The following RORA variants were observed in gnomAD, a reference collection of about 807,000 sequenced individuals.
The protein encoded by RORA is nuclear receptor ROR-alpha.
Under a neutral mutation model 69.5 loss-of-function variants are expected in RORA, and 7 were observed. That is an observed-to-expected ratio of 0.10 (90% confidence interval 0.06 to 0.19). The LOEUF (loss-of-function observed/expected upper bound fraction) is 0.19, where lower values mean the gene tolerates loss of function less well. RORA is among the 10% of genes least tolerant of loss of function. The pLI is 1.00. For missense variants in RORA, 457 were observed against 663.0 expected (o/e 0.69, Z 3.41); for synonymous variants, 261 against 240.8 (o/e 1.08, Z -0.78).
intron 1 of RORA, among the ~76,000 whole-genome samples, chr15:61,065,137 C>T (rs561016546): frequency 1.8e-4 from 27 of 152,216 alleles, no homozygotes; most frequent in Non-Finnish European, 3.7e-4. Flanking sequence ...AAGGTAACCC[C>T]TCCCCACAGA....
At chr15:60,978,961 C>CTTT (rs543353825) in intron 1 of RORA, among the ~76,000 whole-genome samples, 2 of 95,144 alleles carry the variant, frequency 2.1e-5, no homozygotes, top group African/African-American at 4.1e-5. Flanking sequence ...CAACTTTGCT[C>CTTT]TTTTTTTTTT....
At chr15:60,855,334 T>A (rs1032282723) in intron 1 of RORA, among the ~76,000 whole-genome samples, 5 of 152,144 alleles carry the variant, frequency 3.3e-5, no homozygotes, top group Admixed American at 3.3e-4. Context: ...CATGACAGAT[T>A]GTATAGGCGC....
intron 1 of RORA, among the ~76,000 whole-genome samples, chr15:60,779,080 A>C (rs2072216102): frequency 1.3e-5 from 2 of 152,196 alleles, no homozygotes; most frequent in Admixed American, 1.3e-4. Flanking sequence ...ATAGACGAGA[A>C]TGTTTAGGTA....
At chr15:61,136,404 T>C (rs925970992) in intron 1 of RORA, among the ~76,000 whole-genome samples, 1 of 152,234 alleles carries the variant, frequency 6.6e-6, no homozygotes, top group East Asian at 1.9e-4. Context: ...TTAAACAAAT[T>C]TGTAGCCAGT....
intron 1 of RORA, among the ~76,000 whole-genome samples, chr15:60,718,178 T>A (rs2071245063): frequency 6.6e-6 from 1 of 152,164 alleles, no homozygotes; most frequent in Non-Finnish European, 1.5e-5. Context: ...TAGTTCAACA[T>A]ATAGGCAAAA....
chr15:61,114,642 C>T lies in RORA; in HGVS notation c.166+114411G>A, dbSNP rs149047916. ...AAAAATGCTATAGGCCAATGCTAAA[C>T]CTGAAAAATGGCTTAGCAAGATGCT... On this transcript the variant is annotated intron_variant, in intron 1 of 10. Transcript: ENST00000335670. Among the ~76,000 whole-genome samples the T allele has an allele frequency of 7.2e-5, 11 of 152,328 alleles. No homozygotes were observed. In the East Asian group the frequency reaches 1.9e-3, roughly 27 times the overall value.
At chr15:60,887,052 C>G (rs1346657697) in intron 1 of RORA, among the ~76,000 whole-genome samples, 1 of 152,036 alleles carries the variant, frequency 6.6e-6, no homozygotes. Context: ...AAGTAATTTG[C>G]TCTTCATCAG....
chr15:60,582,442 T>C (rs1740015144), intron 2 of RORA, among the ~76,000 whole-genome samples: 1 of 152,218 alleles, frequency 6.6e-6, no homozygotes, highest in Admixed American at 6.5e-5. Context: ...TCCAACCCTT[T>C]AACTTTAAAA....
At chr15:60,934,923 T>A (rs1407887605) in intron 1 of RORA, among the ~76,000 whole-genome samples, 1 of 152,202 alleles carries the variant, frequency 6.6e-6, no homozygotes, top group African/African-American at 2.4e-5. Context: ...AAATACAAAC[T>A]CCACAGCCAA....
chr15:60,896,732 CTTTTTT>C (rs66780614), intron 1 of RORA, among the ~76,000 whole-genome samples: 8 of 117,166 alleles, frequency 6.8e-5, no homozygotes, highest in Non-Finnish European at 7.5e-5. Context: ...GAGAATTTAG[CTTTTTT>C]TTTTTTTTTT....
intron 1 of RORA, among the ~76,000 whole-genome samples, chr15:61,138,032 TC>T (rs1446839065): frequency 6.6e-6 from 1 of 152,234 alleles, no homozygotes; most frequent in Non-Finnish European, 1.5e-5. Context: ...TTCCATGCTT[TC>T]TTTATATTGA....
At chr15:61,175,771 G>T (rs1171352996) in intron 1 of RORA, among the ~76,000 whole-genome samples, 4 of 152,066 alleles carry the variant, frequency 2.6e-5, no homozygotes, top group Admixed American at 6.5e-5. Context: ...TTATGTGTTT[G>T]CCCAGGCCAC....
chr15:60,734,076 T>A lies in RORA; in HGVS notation c.167-55390A>T, dbSNP rs531697848. On this transcript the variant is annotated intron_variant, in intron 1 of 10. Coordinates refer to ENST00000335670, the MANE Select transcript of RORA (RefSeq NM_134261.3). ...TGGAGATGAGAGAGGTGACTCTTAA[T>A]CCTTCATCAGCCTCTTGAGCTTCTC... Among the ~76,000 whole-genome samples the A allele has an allele frequency of 1.8e-3, 275 of 152,224 alleles. 1 individual carries two copies. Among genetic ancestry groups the A allele is most frequent in the South Asian group, 3.3e-3 (16 of 4,816 alleles).
At chr15:61,113,655 G>A (rs1013677800) in intron 1 of RORA, among the ~76,000 whole-genome samples, 1 of 152,122 alleles carries the variant, frequency 6.6e-6, no homozygotes, top group African/African-American at 2.4e-5. Context: ...TCCTGAGCCT[G>A]TTTTTTTAAA....
chr15:60,905,794 A>C lies in RORA; in HGVS notation c.167-227108T>G, dbSNP rs946060277. ...CTGGTTCTTGGGGCACCCCCTAGTG[A>C]CATGTTCCTATACCCTAGGATATCC... On this transcript the variant is annotated intron_variant, in intron 1 of 10. Coordinates refer to ENST00000335670, the MANE Select transcript of RORA (RefSeq NM_134261.3). The surrounding 1 kb of genome is among the most constrained non-coding windows in gnomAD (Gnocchi z 4.8). 6.6e-6 allele frequency among the ~76,000 whole-genome samples: 1 copy of C among 152,136 alleles called. No homozygotes were observed. Among genetic ancestry groups the C allele is most frequent in the African/African-American group, 2.4e-5 (1 of 41,432 alleles).
At chr15:60,804,424 T>A (rs936071675) in intron 1 of RORA, among the ~76,000 whole-genome samples, 8 of 152,148 alleles carry the variant, frequency 5.3e-5, no homozygotes, top group African/African-American at 1.9e-4. Context: ...CGAATCCTCT[T>A]CATTTGACAA....
At chr15:61,065,310 A>G (rs921557954) in intron 1 of RORA, among the ~76,000 whole-genome samples, 3 of 152,152 alleles carry the variant, frequency 2.0e-5, no homozygotes, top group African/African-American at 7.2e-5. Flanking sequence ...TTACATCTGC[A>G]GCTCCCCTCT....
intron 1 of RORA, among the ~76,000 whole-genome samples, chr15:60,910,706 C>G (rs1168671319): frequency 1.3e-5 from 2 of 152,158 alleles, no homozygotes; most frequent in Non-Finnish European, 2.9e-5. Context: ...CTCATTTTCT[C>G]CATGGAATCA....
intron 1 of RORA, among the ~76,000 whole-genome samples, chr15:61,008,491 G>A (rs771406800): frequency 1.3e-5 from 2 of 152,126 alleles, no homozygotes; most frequent in African/African-American, 2.4e-5. Flanking sequence ...CCCTGAGGAA[G>A]AGGGTCATGT....
Sources: gnomAD v4.1 joint callset for allele counts (sites outside exome capture counted in the v4.1 genomes callset) on GRCh38, gnomAD v4.1.1 for gene constraint, Gnocchi (gnomAD v3.1) non-coding constraint, MANE v1.5 for transcripts, NCBI Gene and HGNC (gene_info 2026-07-23, HGNC 2026-07-21) for gene names.